Variants in GRM7 observed in about 807,000 individuals in gnomAD.
The protein encoded by GRM7 is metabotropic glutamate receptor 7.
A neutral mutation model predicts 84.5 loss-of-function variants in GRM7; 35 were observed. That is an observed-to-expected ratio of 0.41 (90% CI 0.32 to 0.55). The LOEUF is 0.55. Ranked by LOEUF, GRM7 falls within the 20% of genes least tolerant of loss-of-function variation. GRM7 has a pLI of 0.19. For missense variants in GRM7, 1,003 were observed against 1,194.6 expected, an observed-to-expected ratio of 0.84 and a Z score of 2.36; for synonymous variants, 487 against 455.1, an observed-to-expected ratio of 1.07 and a Z score of -0.89.
At chr3:7,395,704 T>G (rs1695184214) in intron 4 of GRM7, among the ~76,000 whole-genome samples, 1 of 152,208 alleles carries the variant, frequency 6.6e-6, no homozygotes, top group Non-Finnish European at 1.5e-5. Flanking sequence ...ATGACTTTGC[T>G]TCTTATTCGC....
At chr3:7,659,884 G>A (rs3864075) in intron 8 of GRM7, among the ~76,000 whole-genome samples, 146,793 of 152,252 alleles carry the variant, frequency 0.96, 70,783 homozygotes, top group East Asian at 0.99. Context: ...ATCACTGGGC[G>A]TTTGGTACTA....
At chr3:7,171,392 A>C (rs1294588699) in intron 2 of GRM7, among the ~76,000 whole-genome samples, 1 of 152,150 alleles carries the variant, frequency 6.6e-6, no homozygotes, top group South Asian at 2.1e-4. Context: ...ACCTCTCCAA[A>C]GAGGCTATCT....
intron 8 of GRM7, among the ~76,000 whole-genome samples, chr3:7,664,445 G>A (rs984419951): frequency 3.3e-5 from 5 of 152,076 alleles, no homozygotes; most frequent in Admixed American, 2.0e-4. Flanking sequence ...TGGAGATCTG[G>A]GGTACCTTTC....
intron 1 of GRM7, among the ~76,000 whole-genome samples, chr3:7,001,799 T>G (rs779240506): frequency 3.9e-5 from 6 of 152,204 alleles, no homozygotes; most frequent in Non-Finnish European, 8.8e-5. Context: ...TTGTTTTTCA[T>G]ATTGGCAGCC....
chr3:7,282,821 T>C (rs994399392), intron 2 of GRM7, among the ~76,000 whole-genome samples: 10 of 152,220 alleles, frequency 6.6e-5, no homozygotes, highest in African/African-American at 2.4e-4. Context: ...ATGTGTTAGA[T>C]TGCAGTACCC....
chr3:7,282,844 C>A (rs1371801242), intron 2 of GRM7, among the ~76,000 whole-genome samples: 2 of 152,146 alleles, frequency 1.3e-5, no homozygotes, highest in East Asian at 3.9e-4. Flanking sequence ...TTATTAAGAT[C>A]TCCCAGAAGA....
Position 7,680,083 on chromosome 3 carries a change from T to G in GRM7, c.2486T>G (p.Met829Arg). The change falls in exon 9 of 10, where the codon ATG (methionine) becomes AGG (arginine). Residue 829 changes from methionine to arginine, a missense_variant. Coordinates refer to ENST00000357716, the MANE Select transcript of GRM7 (RefSeq NM_000844.4). ...YIQTTTLTISMNLSASVALGM... is the reference protein window; with the variant it reads ...YIQTTTLTISRNLSASVALGM... ...CAAACTACCACGCTTACAATCTCCA[T>G]GAACCTAAGTGCATCAGTGGCGCTG... 1.2e-6 allele frequency: 2 copies of G among 1,614,020 alleles called. No individual in the cohort carries two copies. The highest frequency in any genetic ancestry group is 1.7e-6 in the Non-Finnish European group (2 of 1,179,874).
At chr3:6,901,565 TCCAGCCTGG>T (rs1341695559) in intron 1 of GRM7, among the ~76,000 whole-genome samples, 1 of 119,014 alleles carries the variant, frequency 8.4e-6, no homozygotes, top group Non-Finnish European at 1.6e-5. Context: ...ACCATTGCAC[TCCAGCCTGG>T]CCAGCCTGGT....
intron 7 of GRM7, among the ~76,000 whole-genome samples, chr3:7,563,271 AAAG>A (rs1262087783): frequency 1.6e-4 from 25 of 152,154 alleles, no homozygotes; most frequent in African/African-American, 5.8e-4. Context: ...CTCAAGCGCA[AAAG>A]AAGAATGACA....
At position 7,461,658 on chromosome 3, in the gene GRM7, C is replaced by T. The variant is rs966613977; in HGVS notation, c.1451C>T (p.Thr484Ile). ...PGRYDIFQYQ[T>I]TNTSNPGYRL... ...CGTTATGACATCTTTCAGTACCAGA[C>T]CACAAACACCAGCAACCCGGGTTAC... The change falls in exon 7 of 10, where the codon ACC becomes ATC. Residue 484 changes from threonine (T) to isoleucine (I), a missense_variant. Coordinates refer to ENST00000357716, the MANE Select transcript of GRM7 (RefSeq NM_000844.4). 20 of 1,613,484 alleles carry T rather than the reference C, an allele frequency of 1.2e-5. No individual in the cohort carries two copies. Among genetic ancestry groups the T allele is most frequent in the Non-Finnish European group, 1.7e-5 (20 of 1,179,474 alleles).
chr3:7,375,454 G>T (rs555603080), intron 4 of GRM7, among the ~76,000 whole-genome samples: 256 of 152,042 alleles, frequency 1.7e-3, no homozygotes, highest in African/African-American at 5.7e-3. Flanking sequence ...TCCTGACCTT[G>T]TGATCCACCC....
intron 8 of GRM7, among the ~76,000 whole-genome samples, chr3:7,644,343 C>T (rs969248220): frequency 6.6e-6 from 1 of 152,202 alleles, no homozygotes; most frequent in Non-Finnish European, 1.5e-5. Context: ...TGTGGACATG[C>T]ATAAACATAT....
At chr3:7,596,204 C>T (rs770717531) in intron 8 of GRM7, among the ~76,000 whole-genome samples, 1 of 152,086 alleles carries the variant, frequency 6.6e-6, no homozygotes, top group Non-Finnish European at 1.5e-5. Context: ...TGACTCCACA[C>T]GTGTTGTGCG....
chr3:7,463,940 A>G (rs1376580175), intron 7 of GRM7, among the ~76,000 whole-genome samples: 1 of 152,188 alleles, frequency 6.6e-6, no homozygotes, highest in African/African-American at 2.4e-5. Flanking sequence ...TGCTGGGAAG[A>G]TAATGGAGGG....
At chr3:7,421,916 TAAA>T (rs773501237) in intron 5 of GRM7, among the ~76,000 whole-genome samples, 41 of 78,806 alleles carry the variant, frequency 5.2e-4, no homozygotes, top group Middle Eastern at 8.2e-3. Context: ...CTACAAACAG[TAAA>T]AAAAAAAAAA....
At chr3:7,613,846 T>C (rs1000185078) in intron 8 of GRM7, among the ~76,000 whole-genome samples, 1 of 152,350 alleles carries the variant, frequency 6.6e-6, no homozygotes, top group Admixed American at 6.5e-5. Flanking sequence ...AGGGAAACTC[T>C]GCGAAAACAT....
chr3:7,728,449 C>T (rs1465342210), intron 9 of GRM7, among the ~76,000 whole-genome samples: 1 of 152,108 alleles, frequency 6.6e-6, no homozygotes, highest in East Asian at 1.9e-4. Context: ...GGTAAGAGGC[C>T]AGAATTATCC....
At chr3:7,055,150 C>T (rs1399119869) in intron 1 of GRM7, among the ~76,000 whole-genome samples, 5 of 151,806 alleles carry the variant, frequency 3.3e-5, no homozygotes, top group Non-Finnish European at 2.9e-5. Flanking sequence ...TTATTTCTAG[C>T]GTTCTAGTTA....
intron 1 of GRM7, among the ~76,000 whole-genome samples, chr3:7,063,558 C>T (rs139516761): frequency 5.9e-5 from 9 of 151,662 alleles, no homozygotes; most frequent in African/African-American, 1.9e-4. Context: ...ATTTTCTTGC[C>T]CAAGAATTTG....
Sources: gnomAD v4.1 joint callset for allele counts (sites outside exome capture counted in the v4.1 genomes callset) on GRCh38, gnomAD v4.1.1 for gene constraint, MANE v1.5 for transcripts, NCBI Gene and HGNC (gene_info 2026-07-23, HGNC 2026-07-21) for gene names.